Variants in FRMD4B observed in about 807,000 individuals in gnomAD.
FRMD4B encodes the protein FERM domain-containing protein 4B.
FRMD4B carries 74 observed loss-of-function variants against 141.5 expected under a neutral mutation model. The observed-to-expected ratio is 0.52, with a 90% CI of 0.43 to 0.63. FRMD4B has a LOEUF of 0.63. Ranked by LOEUF, FRMD4B falls within the 30% of genes least tolerant of loss-of-function variation. The probability of loss-of-function intolerance (pLI) is 0.00; values close to 1 mark genes in which losing one functional copy is unlikely to be tolerated. For missense variants in FRMD4B, 1,366 were observed against 1,253.4 expected (o/e 1.09, Z -1.36); for synonymous variants, 506 against 467.9 (o/e 1.08, Z -1.05).
At chr3:69,530,869 C>G (rs188293771) in intron 1 of FRMD4B, among the ~76,000 whole-genome samples, 3 of 152,168 alleles carry the variant, frequency 2.0e-5, no homozygotes, top group African/African-American at 7.2e-5. Context: ...CTCCACTTAA[C>G]GAAAAACATA....
chr3:69,418,518 A>C (rs1250838035), intron 2 of FRMD4B, among the ~76,000 whole-genome samples: 2 of 152,030 alleles, frequency 1.3e-5, no homozygotes, highest in African/African-American at 4.8e-5. Flanking sequence ...ACCCACAATG[A>C]CTCCATCTTA....
intron 2 of FRMD4B, among the ~76,000 whole-genome samples, chr3:69,402,886 G>C (rs769430133): frequency 1.3e-5 from 2 of 152,204 alleles, no homozygotes; most frequent in Non-Finnish European, 2.9e-5. Context: ...ACTGGATGGA[G>C]AGTGATTGAA....
At chr3:69,468,366 G>T (rs540329960) in intron 1 of FRMD4B, among the ~76,000 whole-genome samples, 7 of 152,082 alleles carry the variant, frequency 4.6e-5, no homozygotes, top group Admixed American at 3.3e-4. Flanking sequence ...ACTGTTGGTG[G>T]CCTACCCATC....
At chr3:69,250,134 G>A (rs201499608) in intron 5 of FRMD4B, 35 bp from the exon 6 acceptor site, 266 of 1,454,640 alleles carry the variant, frequency 1.8e-4, no homozygotes, top group Non-Finnish European at 2.5e-4. Context: ...ATTGAACATG[G>A]GGCTGTCCTA....
At chr3:69,279,990 T>A (rs942441431) in intron 5 of FRMD4B, among the ~76,000 whole-genome samples, 7 of 152,036 alleles carry the variant, frequency 4.6e-5, no homozygotes, top group African/African-American at 1.7e-4. Flanking sequence ...GTCTTCAGAT[T>A]GCTGATTTAA....
At chr3:69,184,272 C>T (rs1325093904) in intron 19 of FRMD4B, among the ~76,000 whole-genome samples, 3 of 152,128 alleles carry the variant, frequency 2.0e-5, no homozygotes, top group Non-Finnish European at 2.9e-5. Context: ...TTCCTAAGCA[C>T]ATAAACTTAT....
At chr3:69,469,828 G>A (rs1705857928) in intron 1 of FRMD4B, among the ~76,000 whole-genome samples, 1 of 152,202 alleles carries the variant, frequency 6.6e-6, no homozygotes, top group South Asian at 2.1e-4. Context: ...AGCGGCAGCA[G>A]GTTTTAAATG....
intron 2 of FRMD4B, among the ~76,000 whole-genome samples, chr3:69,410,726 A>AATAAATAAATAAATATAT (rs1559519781): frequency 2.3e-5 from 2 of 86,344 alleles, no homozygotes; most frequent in African/African-American, 8.3e-5. Flanking sequence ...TAAATAAATA[A>AATAAATAAATAAATATAT]ATATATATAT....
At chr3:69,531,904 C>A (rs1302605838) in intron 1 of FRMD4B, among the ~76,000 whole-genome samples, 2 of 152,180 alleles carry the variant, frequency 1.3e-5, no homozygotes, top group Non-Finnish European at 2.9e-5. Context: ...AAACTGGATG[C>A]CCCATTCTTT....
In FRMD4B at chr3:69,353,625, T is replaced by C. The variant is rs56327021; in HGVS notation, c.162+32203A>G. 1,396 of 984,734 alleles carry C rather than the reference T, an allele frequency of 1.4e-3. 15 individuals carry two copies. In the African/African-American group the frequency reaches 0.023, roughly 16 times the overall value. 61.0% of individuals were successfully genotyped at this position (984,734 alleles called of 1,614,324 possible). A position where few individuals can be genotyped will look rare whatever the true frequency, so the allele number is the denominator to read the frequency against. ...AAAAGACACACGTATTAAGCACTTG[T>C]GCGGTGTGTGTGTGTGTGCGCGCGC... On this transcript the variant is annotated intron_variant, in intron 1 of 22. Transcript: ENST00000398540.
intron 7 of FRMD4B, among the ~76,000 whole-genome samples, chr3:69,242,246 T>C (rs1410593225): frequency 2.6e-5 from 4 of 152,124 alleles, no homozygotes; most frequent in African/African-American, 9.7e-5. Flanking sequence ...CACTACAGCC[T>C]TCCCATTGAT....
chr3:69,267,632 TATATAGAGAG>T (rs2093572660), intron 5 of FRMD4B, among the ~76,000 whole-genome samples: 12 of 10,592 alleles, frequency 1.1e-3, no homozygotes, highest in African/African-American at 4.0e-3. Context: ...TATATATATA[TATATAGAGAG>T]AGAGAGAGAG....
At chr3:69,265,448 CTTT>C (rs560029423) in intron 5 of FRMD4B, among the ~76,000 whole-genome samples, 2 of 93,596 alleles carry the variant, frequency 2.1e-5, no homozygotes, top group Non-Finnish European at 4.1e-5. Context: ...TTTATTTGTC[CTTT>C]TTTTTTTTTT....
chr3:69,200,506 T>G, intron 11 of FRMD4B: 1 of 1,022,082 alleles, frequency 9.8e-7, no homozygotes, highest in Admixed American at 5.2e-5. Context: ...CTCCGGTGAG[T>G]TCTGAACTGA....
chr3:69,313,164 C>T (rs996028893), intron 2 of FRMD4B, among the ~76,000 whole-genome samples: 2 of 152,166 alleles, frequency 1.3e-5, no homozygotes, highest in African/African-American at 4.8e-5. Context: ...GTCAATTTCC[C>T]AGGGTCACAG....
rs142090014 is a variant in FRMD4B, at chr3:69,511,203, G to A, written c.-129+31003C>T. On this transcript the variant is annotated intron_variant, in intron 1 of 5. Transcript: ENST00000459638. ...TCCCAGTAGTTGTATAAGCATCACT[G>A]CAGAATCTATTTATTTTGCATTTCA... is the stretch of plus-strand genomic sequence containing the variant. Among the ~76,000 whole-genome samples, 630 of 151,778 alleles carry A rather than the reference G, an allele frequency of 4.2e-3. 12 individuals are homozygous for A. In the East Asian group the frequency reaches 0.056, roughly 13 times the overall value.
upstream of FRMD4B, among the ~76,000 whole-genome samples, chr3:69,390,101 T>G (rs1035298329): frequency 4.6e-5 from 7 of 152,202 alleles, no homozygotes; most frequent in Non-Finnish European, 8.8e-5. Flanking sequence ...TCCTGTAGGT[T>G]CTCCTTTGAG....
intron 1 of FRMD4B, among the ~76,000 whole-genome samples, chr3:69,435,833 C>G (rs1240205080): frequency 6.6e-6 from 1 of 152,120 alleles, no homozygotes; most frequent in African/African-American, 2.4e-5. Flanking sequence ...TGGAAAATCC[C>G]TTAGGGAAAG....
At chr3:69,392,380 G>A (rs1019978890) in intron 2 of FRMD4B, among the ~76,000 whole-genome samples, 7 of 152,146 alleles carry the variant, frequency 4.6e-5, no homozygotes, top group African/African-American at 9.7e-5. Flanking sequence ...GGCTGAGTAC[G>A]GGAGAATCAG....
Sources: gnomAD v4.1 joint callset for allele counts (sites outside exome capture counted in the v4.1 genomes callset) on GRCh38, gnomAD v4.1.1 for gene constraint, MANE v1.5 for transcripts, NCBI Gene and HGNC (gene_info 2026-07-23, HGNC 2026-07-21) for gene names.